Variants in DIAPH2 observed in about 807,000 individuals in gnomAD.
DIAPH2 encodes the protein diaphanous related formin 2, also known as protein diaphanous homolog 2.
In DIAPH2, 35 loss-of-function variants were observed where a neutral mutation model predicts 92.7. That is an observed-to-expected ratio of 0.38 (90% CI 0.29 to 0.50). The LOEUF (loss-of-function observed/expected upper bound fraction) is 0.50. Ranked by LOEUF, DIAPH2 falls within the 20% of genes least tolerant of loss-of-function variation. The pLI, the probability that DIAPH2 is intolerant of heterozygous loss-of-function variation, is 0.94. For synonymous variants in DIAPH2, 301 were observed against 280.4 expected, an observed-to-expected ratio of 1.07 and a Z score of -0.73; for missense variants, 701 against 819.5, an observed-to-expected ratio of 0.86 and a Z score of 1.77.
intron 4 of DIAPH2, among the ~76,000 whole-genome samples, chrX:96,759,215 A>G (rs905198990): frequency 9.0e-6 from 1 of 111,005 alleles, no homozygotes; most frequent in African/African-American, 3.3e-5. Flanking sequence ...ATATATTCTA[A>G]AGTTATTTGG....
chrX:97,252,713 G>GTT (rs1210569032), intron 23 of DIAPH2, among the ~76,000 whole-genome samples: 2 of 56,910 alleles, frequency 3.5e-5, no homozygotes, highest in Non-Finnish European at 3.4e-5. Context: ...GAGCAAAGCT[G>GTT]TTGTGTTTTG....
chrX:96,912,504 G>C lies in DIAPH2; in HGVS notation c.684G>C (p.Lys228Asn), dbSNP rs2065474761. 4 of 1,200,787 alleles carry C rather than the reference G, an allele frequency of 3.3e-6. No homozygotes were observed. Among genetic ancestry groups the C allele is most frequent in the Admixed American group, 2.2e-5 (1 of 45,052 alleles). Reference protein sequence around the residue: ...DKKQQENIDKKNQYKLIQCLK... With the variant: ...DKKQQENIDKNNQYKLIQCLK... ...TTAGGCAAGAAAATATTGACAAGAA[G>C]AATCAGTATAAACTTATTCAATGCC... The change falls in exon 7 of 27, where the codon AAG becomes AAC. Residue 228 changes from lysine to asparagine, a missense_variant. This residue lies in a region of DIAPH2 where 34 missense variants were observed against 74.7 expected (regional missense o/e 0.46). Transcript: ENST00000324765.
intron 17 of DIAPH2, among the ~76,000 whole-genome samples, chrX:96,983,335 G>A (rs1349918717): frequency 9.0e-6 from 1 of 111,214 alleles, no homozygotes; most frequent in South Asian, 3.8e-4. Context: ...GACTCAGTAA[G>A]CATTGAATTC....
intron 1 of DIAPH2, among the ~76,000 whole-genome samples, chrX:96,689,004 G>A (rs2063785755): frequency 9.1e-6 from 1 of 109,966 alleles, no homozygotes; most frequent in Admixed American, 9.8e-5. Flanking sequence ...GCATGGTTGG[G>A]GGTGGTCATG....
intron 23 of DIAPH2, among the ~76,000 whole-genome samples, chrX:97,250,815 T>G (rs140441324): frequency 0.016 from 1,751 of 111,787 alleles, 42 homozygotes; most frequent in African/African-American, 0.054. Flanking sequence ...TTATAAAAAT[T>G]TTCTTCATAT....
intron 23 of DIAPH2, among the ~76,000 whole-genome samples, chrX:97,340,436 C>T (rs1288590305): frequency 1.8e-5 from 2 of 110,837 alleles, no homozygotes; most frequent in East Asian, 5.7e-4. Context: ...GTAACAGTAA[C>T]CCAGATCAAA....
chrX:96,879,268 G>T (rs1037446602), intron 4 of DIAPH2, among the ~76,000 whole-genome samples: 2 of 111,633 alleles, frequency 1.8e-5, no homozygotes, highest in African/African-American at 6.5e-5. Flanking sequence ...AAAATGATGG[G>T]AGCCAGCAAT....
chrX:96,909,579 T>C (rs1287339364), intron 5 of DIAPH2, among the ~76,000 whole-genome samples: 1 of 111,067 alleles, frequency 9.0e-6, no homozygotes, highest in Non-Finnish European at 1.9e-5. Context: ...GTAATTATTT[T>C]ATCCCCTTAG....
chrX:97,016,907 G>A (rs1446056399), intron 17 of DIAPH2, among the ~76,000 whole-genome samples: 1 of 112,181 alleles, frequency 8.9e-6, no homozygotes, highest in Non-Finnish European at 1.9e-5. Context: ...CAGTTTCACG[G>A]AGAAACGTGG....
intron 23 of DIAPH2, among the ~76,000 whole-genome samples, chrX:97,318,058 A>G (rs2068854723): frequency 8.9e-6 from 1 of 111,833 alleles, no homozygotes; most frequent in Non-Finnish European, 1.9e-5. Context: ...ATCTAATTGT[A>G]ACTTTGTACC....
At chrX:97,566,616 GAA>G (rs1459147514) in intron 26 of DIAPH2, among the ~76,000 whole-genome samples, 1 of 112,031 alleles carries the variant, frequency 8.9e-6, no homozygotes, top group Non-Finnish European at 1.9e-5. Flanking sequence ...ATAGGGAAAA[GAA>G]AGAGGTGAAG....
chrX:97,447,025 G>C (rs1225486995), intron 26 of DIAPH2, among the ~76,000 whole-genome samples: 1 of 111,059 alleles, frequency 9.0e-6, no homozygotes, highest in African/African-American at 3.3e-5. Context: ...AGCTGCTTTT[G>C]CACCAATTAG....
At chrX:97,154,388 G>C (rs1202239974) in intron 22 of DIAPH2, among the ~76,000 whole-genome samples, 3 of 111,667 alleles carry the variant, frequency 2.7e-5, no homozygotes, top group East Asian at 5.6e-4. Flanking sequence ...GAAAATTTTA[G>C]TTATAAATTT....
intron 26 of DIAPH2, among the ~76,000 whole-genome samples, chrX:97,455,652 C>T (rs2070397676): frequency 8.9e-6 from 1 of 112,121 alleles, no homozygotes; most frequent in Admixed American, 9.4e-5. Flanking sequence ...GTTACTCATT[C>T]CTCTCCTCTT....
intron 25 of DIAPH2, among the ~76,000 whole-genome samples, chrX:97,403,383 ACT>A (rs1423345884): frequency 1.8e-5 from 2 of 111,923 alleles, no homozygotes; most frequent in African/African-American, 6.5e-5. Flanking sequence ...ATCTTCTTCA[ACT>A]CTCTTCTGAT....
chrX:97,034,087 A>ATT (rs5903063), intron 17 of DIAPH2, among the ~76,000 whole-genome samples: 209 of 103,336 alleles, frequency 2.0e-3, no homozygotes, highest in African/African-American at 3.4e-3. Context: ...TAGTGTGTGC[A>ATT]TTTTTTTTTT....
chrX:97,001,626 A>G (rs1216817435), intron 17 of DIAPH2, among the ~76,000 whole-genome samples: 1 of 111,799 alleles, frequency 8.9e-6, no homozygotes, highest in Non-Finnish European at 1.9e-5. Flanking sequence ...AGCCCGGGCA[A>G]CAATGTGAGA....
At chrX:97,473,312 T>C (rs917139478) in intron 26 of DIAPH2, among the ~76,000 whole-genome samples, 1 of 111,378 alleles carries the variant, frequency 9.0e-6, no homozygotes, top group East Asian at 2.8e-4. Context: ...CCTAAGAATA[T>C]TTCTTTTTTA....
intron 14 of DIAPH2, among the ~76,000 whole-genome samples, chrX:96,947,893 G>A: frequency 8.9e-6 from 1 of 112,255 alleles, no homozygotes; most frequent in Non-Finnish European, 1.9e-5. Flanking sequence ...GAAATATGCA[G>A]GCAGGTTTGT....
Sources: gnomAD v4.1 joint callset for allele counts (sites outside exome capture counted in the v4.1 genomes callset) on GRCh38, gnomAD v4.1.1 for gene constraint, gnomAD v4.1.1 regional missense constraint, MANE v1.5 for transcripts, NCBI Gene and HGNC (gene_info 2026-07-23, HGNC 2026-07-21) for gene names.